SNAP91: variants seen among roughly 807,000 people sequenced by gnomAD.
The protein encoded by SNAP91 is clathrin coat assembly protein AP180.
A neutral mutation model predicts 100.3 loss-of-function variants in SNAP91; 27 were observed. The observed-to-expected ratio is 0.27, with a 90% CI of 0.20 to 0.37. SNAP91 has a LOEUF of 0.37. SNAP91 is among the 10% of genes least tolerant of loss of function. The pLI, the probability that SNAP91 is intolerant of heterozygous loss-of-function variation, is 1.00. For missense variants in SNAP91, 986 were observed against 1,123.7 expected (o/e 0.88, Z 1.75); for synonymous variants, 404 against 398.6 (o/e 1.01, Z -0.16).
At chr6:83,593,449 A>T (rs1188764844) in intron 18 of SNAP91, 29 bp downstream of exon 18, 2 of 1,546,828 alleles carry the variant, frequency 1.3e-6, no homozygotes, top group African/African-American at 2.7e-5. Context: ...CTAGACGGAA[A>T]GAGGTCGACA....
At chr6:83,637,464 A>G (rs1183861711) in intron 8 of SNAP91, among the ~76,000 whole-genome samples, 1 of 152,174 alleles carries the variant, frequency 6.6e-6, no homozygotes, top group African/African-American at 2.4e-5. Flanking sequence ...CAAGTGGAAA[A>G]GTGCCTGTGG....
intron 2 of SNAP91, chr6:83,690,454 C>T (rs1448878805): frequency 1.6e-6 from 2 of 1,244,108 alleles, no homozygotes; most frequent in Non-Finnish European, 2.1e-6. Context: ...AACAATGCAG[C>T]TCAGTTACAC....
intron 19 of SNAP91, 67 bp downstream of exon 19, chr6:83,593,115 A>G: frequency 1.3e-6 from 2 of 1,518,462 alleles, no homozygotes; most frequent in Non-Finnish European, 1.8e-6. Flanking sequence ...ACAGGTGAGT[A>G]CAAAGAGCTT....
intron 6 of SNAP91, among the ~76,000 whole-genome samples, chr6:83,657,332 A>C (rs1316996964): frequency 6.6e-6 from 1 of 152,160 alleles, no homozygotes; most frequent in African/African-American, 2.4e-5. Context: ...CTGTTCACCT[A>C]TTCCAAACTA....
At chr6:83,570,480 GGA>G (rs1804921534) in intron 26 of SNAP91, among the ~76,000 whole-genome samples, 4 of 151,154 alleles carry the variant, frequency 2.6e-5, no homozygotes, top group African/African-American at 9.7e-5. Context: ...AACACAATGG[GGA>G]AAATGTCTCC....
intron 26 of SNAP91, among the ~76,000 whole-genome samples, chr6:83,565,922 C>T (rs79937418): frequency 1.4e-4 from 22 of 152,046 alleles, no homozygotes; most frequent in African/African-American, 4.8e-4. Flanking sequence ...AGTTAAACAT[C>T]GACTTACACA....
chr6:83,662,204 T>C, intron 4 of SNAP91, 143 bp downstream of exon 4: 2 of 320,634 alleles, frequency 6.2e-6, no homozygotes, highest in Non-Finnish European at 1.2e-5. Context: ...TATAATTAAA[T>C]ATTTTAAAGC....
chr6:83,707,536 C>CGTGTGTGTGTGTGTGTGTGT (rs70987765), intron 2 of SNAP91, among the ~76,000 whole-genome samples: 7 of 148,958 alleles, frequency 4.7e-5, no homozygotes, highest in African/African-American at 1.5e-4. Context: ...TATACATATG[C>CGTGTGTGTGTGTGTGTGTGT]GTGTGTGTGT....
intron 28 of SNAP91, among the ~76,000 whole-genome samples, chr6:83,556,596 G>A (rs1325505196): frequency 2.0e-5 from 3 of 152,150 alleles, no homozygotes; most frequent in Non-Finnish European, 4.4e-5. Flanking sequence ...GGGGACTCCA[G>A]TAGAACAATA....
At chr6:83,608,023 T>C in intron 12 of SNAP91, among the ~76,000 whole-genome samples, 1 of 152,224 alleles carries the variant, frequency 6.6e-6, no homozygotes, top group East Asian at 1.9e-4. Flanking sequence ...ATGTAATTTA[T>C]ATAAAATGAT....
chr6:83,636,476 C>T (rs2097452812), intron 8 of SNAP91, among the ~76,000 whole-genome samples: 1 of 152,198 alleles, frequency 6.6e-6, no homozygotes, highest in African/African-American at 2.4e-5. Context: ...CTTCCAACTA[C>T]ATTTTCAAAT....
chr6:83,706,382 A>G (rs1216560113), intron 2 of SNAP91, among the ~76,000 whole-genome samples: 1 of 152,238 alleles, frequency 6.6e-6, no homozygotes, highest in East Asian at 1.9e-4. Context: ...TACAATTTCT[A>G]CTTCTCTTAG....
intron 25 of SNAP91, chr6:83,575,723 G>T (rs1051157211): frequency 3.3e-6 from 1 of 304,588 alleles, no homozygotes; most frequent in East Asian, 7.3e-5. Context: ...CTATGGTAAT[G>T]AATCTAGAAT....
chr6:83,562,972 T>A (rs1044524623), intron 26 of SNAP91, among the ~76,000 whole-genome samples: 7 of 152,226 alleles, frequency 4.6e-5, no homozygotes, highest in African/African-American at 1.7e-4. Context: ...TGTTTTATTG[T>A]ATGCCTCCTC....
chr6:83,603,642 GA>G lies in SNAP91; in HGVS notation c.1141+2042del, dbSNP rs202038433. On this transcript the variant is annotated intron_variant, in intron 14 of 29. Transcript: ENST00000369694. Reference sequence around the variant, plus strand: ...AAAAGCTATAATATCTTAAAAAGAAGAAAAAAAAAAGGTACTCCCTGTAGTG... The same window carrying G: ...AAAAGCTATAATATCTTAAAAAGAAGAAAAAAAAAGGTACTCCCTGTAGTG... Among the ~76,000 whole-genome samples the G allele has an allele frequency of 7.1e-3, 1,025 of 145,344 alleles. 7 individuals are homozygous for G. Among genetic ancestry groups the G allele is most frequent in the African/African-American group, 0.023 (899 of 39,812 alleles).
intron 7 of SNAP91, among the ~76,000 whole-genome samples, chr6:83,648,363 ATATT>A (rs2128620984): frequency 6.6e-6 from 1 of 151,986 alleles, no homozygotes; most frequent in South Asian, 2.1e-4. Flanking sequence ...CTATTAATGA[ATATT>A]TAGTTTCTTT....
chr6:83,600,861 CT>C (rs1489823690), intron 16 of SNAP91, among the ~76,000 whole-genome samples: 3 of 152,144 alleles, frequency 2.0e-5, no homozygotes, highest in Admixed American at 6.6e-5. Context: ...CAACTTAGGC[CT>C]GTGTTGCTCC....
chr6:83,594,539 A>G, intron 16 of SNAP91, 58 bp from the exon 17 acceptor site: 1 of 1,080,336 alleles, frequency 9.3e-7, no homozygotes, highest in Non-Finnish European at 1.3e-6. Context: ...AAGAAAATAC[A>G]GTAAAAGAAC....
At chr6:83,694,671 A>G (rs1342851518) in intron 2 of SNAP91, among the ~76,000 whole-genome samples, 2 of 152,220 alleles carry the variant, frequency 1.3e-5, no homozygotes, top group Admixed American at 1.3e-4. Flanking sequence ...AAAGTCTTCA[A>G]GAATGGAATA....
Sources: allele counts gnomAD v4.1 joint callset (sites outside exome capture counted in the v4.1 genomes callset), GRCh38; gene constraint gnomAD v4.1.1; transcripts MANE v1.5; gene names NCBI Gene and HGNC (gene_info 2026-07-23, HGNC 2026-07-21).